Variants in STMN4 observed in about 807,000 individuals in gnomAD.
STMN4 encodes the protein stathmin 4, also known as stathmin-4.
A neutral mutation model predicts 29.1 loss-of-function variants in STMN4; 12 were observed. The ratio of observed to expected loss-of-function variants is 0.41; its 90% CI spans 0.26 to 0.67. The LOEUF is 0.67. STMN4 is among the 30% of genes least tolerant of loss of function. STMN4 has a pLI of 0.30. For synonymous variants in STMN4, 114 were observed against 105.3 expected, an observed-to-expected ratio of 1.08 and a Z score of -0.51; for missense variants, 181 against 262.8, an observed-to-expected ratio of 0.69 and a Z score of 2.15.
chr8:27,242,326 G>T, intron 3 of STMN4, 71 bp downstream of exon 3: 3 of 1,436,500 alleles, frequency 2.1e-6, no homozygotes, highest in Non-Finnish European at 2.9e-6. Context: ...CTGGGGTCGG[G>T]GTGCAGGACC....
intron 6 of STMN4, among the ~76,000 whole-genome samples, chr8:27,238,367 A>G (rs1014966909): frequency 9.2e-5 from 14 of 152,186 alleles, no homozygotes; most frequent in African/African-American, 3.4e-4. Flanking sequence ...CGCCTCCACC[A>G]GTGGGTAAAG....
chr8:27,237,578 A>T (rs1189017851), intron 6 of STMN4, among the ~76,000 whole-genome samples: 1 of 152,184 alleles, frequency 6.6e-6, no homozygotes, highest in East Asian at 1.9e-4. Flanking sequence ...GTGCAAATCG[A>T]CAGAAGAATT....
In STMN4 at chr8:27,236,724, C is replaced by T. The variant is rs1801318665; in HGVS notation, c.*122G>A. ...AACACCAAAAGCAGAGGAAACGCCC[C>T]TTGGCCACCCCCCTCCCCCCAAACC... On this transcript the variant is annotated 3_prime_UTR_variant, in exon 7 of 7. Transcript: ENST00000350889. The T allele has an allele frequency of 1.2e-6, 1 of 834,370 alleles. No homozygotes were observed. The highest frequency in any genetic ancestry group is 3.6e-5 in the Admixed American group (1 of 28,074). 51.7% of individuals were successfully genotyped at this position (834,370 alleles called of 1,614,324 possible).
intron 1 of STMN4, among the ~76,000 whole-genome samples, chr8:27,249,473 C>T (rs1354687506): frequency 3.9e-5 from 6 of 152,196 alleles, no homozygotes; most frequent in Non-Finnish European, 1.5e-5. Flanking sequence ...ACAACTGTCC[C>T]TTCCAAAATG....
chr8:27,238,895 T>C (rs1465094548), intron 6 of STMN4, among the ~76,000 whole-genome samples: 1 of 152,214 alleles, frequency 6.6e-6, no homozygotes, highest in Non-Finnish European at 1.5e-5. Context: ...CGAGCCTCAG[T>C]GATTTGTTTT....
At position 27,255,912 on chromosome 8, in the gene STMN4, G is replaced by A. The variant is rs372618339; in HGVS notation, c.-79+2439C>T. Among the ~76,000 whole-genome samples, 179 of 152,226 alleles carry A rather than the reference G, an allele frequency of 1.2e-3. 1 individual carries two copies. The highest frequency in any genetic ancestry group is 4.2e-3 in the African/African-American group (173 of 41,538). ...ACAACCTGGCCACTATGGACAATAT[G>A]AGACCAAACTTCTCCGTCTTTGATA... On this transcript the variant is annotated intron_variant, in intron 1 of 6. Coordinates refer to ENST00000350889, the MANE Select transcript of STMN4 (RefSeq NM_030795.4).
At chr8:27,249,428 T>C (rs1801722318) in intron 1 of STMN4, among the ~76,000 whole-genome samples, 1 of 152,172 alleles carries the variant, frequency 6.6e-6, no homozygotes, top group African/African-American at 2.4e-5. Flanking sequence ...CGAGTCTAAA[T>C]GTCTTGCATT....
intron 6 of STMN4, 102 bp from the exon 7 acceptor site, chr8:27,237,007 C>G: frequency 1.8e-5 from 23 of 1,282,436 alleles, no homozygotes; most frequent in Non-Finnish European, 2.5e-5. Context: ...GTGGCCACCA[C>G]AGGCAGCGAA....
intron 1 of STMN4, among the ~76,000 whole-genome samples, chr8:27,245,760 A>G (rs1801606797): frequency 6.6e-6 from 1 of 152,210 alleles, no homozygotes; most frequent in African/African-American, 2.4e-5. Context: ...GGAGGCAGAG[A>G]GGGATGCCTG....
At chr8:27,251,962 TC>T (rs1431704603) in intron 1 of STMN4, among the ~76,000 whole-genome samples, 1 of 151,456 alleles carries the variant, frequency 6.6e-6, no homozygotes, top group Admixed American at 6.6e-5. Flanking sequence ...CCTCCCCCCT[TC>T]CCCCATTCCA....
At position 27,241,769 on chromosome 8, in the gene STMN4, AAAC is replaced by A; in HGVS notation, c.110-15_110-13del. ...TCTCCCACACCAGCCTAGACAGAAA[AAAC>A]AACCTCAGGTCATCCGAGCATGCCT... is the stretch of plus-strand genomic sequence containing the variant. On this transcript the variant is annotated splice_polypyrimidine_tract_variant and intron_variant, in intron 3 of 6. Coordinates refer to ENST00000350889, the MANE Select transcript of STMN4 (RefSeq NM_030795.4). The A allele has an allele frequency of 6.2e-7, 1 of 1,614,146 alleles. No individual in the cohort carries two copies. Among genetic ancestry groups the A allele is most frequent in the East Asian group, 2.2e-5 (1 of 44,874 alleles).
intron 1 of STMN4, among the ~76,000 whole-genome samples, chr8:27,245,189 A>T (rs1317885632): frequency 6.6e-6 from 1 of 152,182 alleles, no homozygotes; most frequent in Non-Finnish European, 1.5e-5. Context: ...AATGAGAAAA[A>T]CCCATGCATA....
chr8:27,254,883 G>A (rs577127389), intron 1 of STMN4, among the ~76,000 whole-genome samples: 105 of 147,138 alleles, frequency 7.1e-4, no homozygotes, highest in Non-Finnish European at 1.3e-3. Flanking sequence ...GTAGGGGATG[G>A]AGTGGGAGCA....
At chr8:27,239,409 C>A in intron 6 of STMN4, 1 of 966,282 alleles carries the variant, frequency 1.0e-6, no homozygotes, top group Non-Finnish European at 1.5e-6. Context: ...CACACAGAAC[C>A]AACCCCGGCC....
At chr8:27,239,772 C>A in intron 6 of STMN4, 199 bp downstream of exon 6, 2 of 1,520,894 alleles carry the variant, frequency 1.3e-6, no homozygotes, top group South Asian at 1.2e-5. Context: ...CAAGGAAACC[C>A]TGAGTCTGGT....
intron 1 of STMN4, among the ~76,000 whole-genome samples, chr8:27,251,170 T>A (rs1801770702): frequency 6.6e-6 from 1 of 151,998 alleles, no homozygotes; most frequent in Admixed American, 6.5e-5. Context: ...GGAGAATCAC[T>A]TGAACACAGG....
chr8:27,247,222 T>C (rs138339466), intron 1 of STMN4, among the ~76,000 whole-genome samples: 1,589 of 134,742 alleles, frequency 0.012, 29 homozygotes, highest in African/African-American at 0.043. Flanking sequence ...GCCACTGAAC[T>C]CCAGCCTGGG....
intron 2 of STMN4, 125 bp from the exon 3 acceptor site, chr8:27,242,617 G>C (rs1801509723): frequency 1.2e-6 from 1 of 863,600 alleles, no homozygotes; most frequent in Non-Finnish European, 1.8e-6. Context: ...GCAGGCACAC[G>C]CCAAGCCTGG....
rs369000918 is a variant in STMN4, at chr8:27,236,763, C to A, written c.*83G>T. 7.7e-7 allele frequency: 1 copy of A among 1,304,606 alleles called. No homozygotes were observed. Among genetic ancestry groups the A allele is most frequent in the Non-Finnish European group, 1.0e-6 (1 of 974,192 alleles). 80.8% of individuals were successfully genotyped at this position (1,304,606 alleles called of 1,614,324 possible). ...TCCCCCCAAACCCCAGTGCTGGGAG[C>A]GCAGCCGGCGGGCGAGGCTGCCTGG... is the stretch of plus-strand genomic sequence containing the variant. On this transcript the variant is annotated 3_prime_UTR_variant, in exon 7 of 7. Coordinates refer to ENST00000350889, the MANE Select transcript of STMN4 (RefSeq NM_030795.4).
Sources: gnomAD v4.1 joint callset for allele counts (sites outside exome capture counted in the v4.1 genomes callset) on GRCh38, gnomAD v4.1.1 for gene constraint, MANE v1.5 for transcripts, NCBI Gene and HGNC (gene_info 2026-07-23, HGNC 2026-07-21) for gene names.